FOXP2: variants seen among roughly 807,000 people sequenced by gnomAD.
The protein encoded by FOXP2 is forkhead box protein P2.
In FOXP2, 12 loss-of-function variants were observed where a neutral mutation model predicts 115.8. That is an observed-to-expected ratio of 0.10 (90% CI 0.07 to 0.17). The LOEUF (loss-of-function observed/expected upper bound fraction) is 0.17, where lower values mean the gene tolerates loss of function less well. Among genes scored for constraint, FOXP2 ranks in the 10% least tolerant of loss-of-function variants. The pLI is 1.00. For missense variants in FOXP2, 629 were observed against 843.5 expected (o/e 0.75, Z 3.15); for synonymous variants, 328 against 297.7 (o/e 1.10, Z -1.05).
At chr7:114,140,969 A>T (rs1220120974) in intron 1 of FOXP2, among the ~76,000 whole-genome samples, 1 of 152,230 alleles carries the variant, frequency 6.6e-6, no homozygotes, top group African/African-American at 2.4e-5. Flanking sequence ...AGCTGGGATT[A>T]TATAGACAAC....
intron 2 of FOXP2, among the ~76,000 whole-genome samples, chr7:114,511,064 A>T (rs1401166050): frequency 6.6e-6 from 1 of 152,168 alleles, no homozygotes; most frequent in Non-Finnish European, 1.5e-5. Context: ...AGGGACATGG[A>T]TGAAGCTGGA....
chr7:114,487,625 C>T (rs1394261740), intron 2 of FOXP2, among the ~76,000 whole-genome samples: 2 of 152,114 alleles, frequency 1.3e-5, no homozygotes, highest in South Asian at 2.1e-4. Flanking sequence ...TACTTTGTTG[C>T]TTAGAAAATT....
At chr7:114,547,922 T>C (rs1800012915) in intron 3 of FOXP2, among the ~76,000 whole-genome samples, 1 of 152,212 alleles carries the variant, frequency 6.6e-6, no homozygotes, top group Non-Finnish European at 1.5e-5. Context: ...TAAAATATTA[T>C]CTAAATTTAC....
Position 114,091,873 on chromosome 7 carries a change from A to C in FOXP2, c.-247+4035A>C, listed in dbSNP as rs116256849. ...CCTTTTGCATTTTTTGATTATTGAA[A>C]TACACATTCTTGGACCTGTACTCAA... On this transcript the variant is annotated intron_variant, in intron 1 of 19. Transcript: ENST00000635638. Among the ~76,000 whole-genome samples the C allele has an allele frequency of 1.6e-3, 244 of 152,100 alleles. 1 individual carries two copies. The highest frequency in any genetic ancestry group is 5.7e-3 in the African/African-American group (237 of 41,546).
intron 2 of FOXP2, among the ~76,000 whole-genome samples, chr7:114,409,059 T>A (rs1368269779): frequency 1.3e-5 from 2 of 152,184 alleles, no homozygotes; most frequent in Non-Finnish European, 1.5e-5. Context: ...ATTTGCTTAT[T>A]TACCATCTAT....
chr7:114,614,196 A>G (rs568350333), intron 3 of FOXP2, among the ~76,000 whole-genome samples: 4 of 152,292 alleles, frequency 2.6e-5, no homozygotes, highest in African/African-American at 7.2e-5. Context: ...ATAAGCTAGC[A>G]TCTACTTTCT....
intron 1 of FOXP2, chr7:114,087,853 G>C (rs1283644416): frequency 2.6e-5 from 4 of 152,052 alleles, no homozygotes; most frequent in African/African-American, 9.7e-5. Flanking sequence ...GTCTCTTAGG[G>C]CACCTGGCGC....
At chr7:114,547,760 A>G (rs1275370466) in intron 3 of FOXP2, among the ~76,000 whole-genome samples, 1 of 152,064 alleles carries the variant, frequency 6.6e-6, no homozygotes, top group East Asian at 1.9e-4. Context: ...CGTCGTCTCA[A>G]AAAAAAAGAA....
chr7:114,130,196 A>T (rs1458086518), intron 1 of FOXP2, among the ~76,000 whole-genome samples: 1 of 152,120 alleles, frequency 6.6e-6, no homozygotes, highest in Non-Finnish European at 1.5e-5. Flanking sequence ...GGTGGCATGT[A>T]CCTGTAGCCC....
intron 1 of FOXP2, among the ~76,000 whole-genome samples, chr7:114,245,778 T>A (rs1795267258): frequency 6.6e-6 from 1 of 152,174 alleles, no homozygotes; most frequent in South Asian, 2.1e-4. Context: ...TGTGCACTTT[T>A]AAATCTTCTA....
At chr7:114,467,679 G>C (rs1424453283) in intron 2 of FOXP2, among the ~76,000 whole-genome samples, 1 of 151,862 alleles carries the variant, frequency 6.6e-6, no homozygotes, top group Non-Finnish European at 1.5e-5. Flanking sequence ...TACACTTTGG[G>C]GTCTGAGGAG....
intron 2 of FOXP2, among the ~76,000 whole-genome samples, chr7:114,320,044 T>G (rs1326268471): frequency 3.3e-5 from 5 of 152,222 alleles, no homozygotes; most frequent in Non-Finnish European, 7.3e-5. Context: ...AAGCATCCTG[T>G]TTCTTCCTGT....
intron 1 of FOXP2, among the ~76,000 whole-genome samples, chr7:114,092,771 A>T (rs1458419141): frequency 6.6e-6 from 1 of 152,024 alleles, no homozygotes. Context: ...ACCCAAATTT[A>T]TGTTCCAGGA....
At chr7:114,577,303 A>G (rs1268152808) in intron 3 of FOXP2, among the ~76,000 whole-genome samples, 1 of 151,974 alleles carries the variant, frequency 6.6e-6, no homozygotes, top group Non-Finnish European at 1.5e-5. Flanking sequence ...AACAAAACTT[A>G]AACCTGAAGC....
intron 2 of FOXP2, among the ~76,000 whole-genome samples, chr7:114,344,219 G>C (rs1255633956): frequency 6.6e-6 from 1 of 151,540 alleles, no homozygotes; most frequent in African/African-American, 2.4e-5. Context: ...TGTGATTTTT[G>C]GCTTCGGTTC....
intron 2 of FOXP2, among the ~76,000 whole-genome samples, chr7:114,489,873 C>T (rs1291403429): frequency 2.0e-5 from 3 of 152,170 alleles, no homozygotes; most frequent in Admixed American, 6.5e-5. Context: ...AAAACAACAA[C>T]GAGATATTGC....
intron 2 of FOXP2, among the ~76,000 whole-genome samples, chr7:114,391,355 T>C (rs1792595949): frequency 1.3e-5 from 2 of 152,186 alleles, no homozygotes; most frequent in Non-Finnish European, 2.9e-5. Context: ...TTAGACTGGG[T>C]GAGTTAAGAT....
intron 3 of FOXP2, among the ~76,000 whole-genome samples, chr7:114,602,175 A>C (rs1584941525): frequency 6.6e-6 from 1 of 152,174 alleles, no homozygotes; most frequent in East Asian, 1.9e-4. Context: ...TATTAAGAGA[A>C]AGCATATTTA....
intron 1 of FOXP2, among the ~76,000 whole-genome samples, chr7:114,190,108 CTCTT>C (rs1466866904): frequency 2.0e-5 from 3 of 152,174 alleles, no homozygotes; most frequent in African/African-American, 7.2e-5. Flanking sequence ...CATCATGCTA[CTCTT>C]TCTATCTTTC....
Sources: allele counts gnomAD v4.1 joint callset (sites outside exome capture counted in the v4.1 genomes callset), GRCh38; gene constraint gnomAD v4.1.1; transcripts MANE v1.5; gene names NCBI Gene and HGNC (gene_info 2026-07-23, HGNC 2026-07-21).